Variants in LRTM3 observed in about 807,000 individuals in gnomAD.
LRTM3 encodes leucine-rich repeat transmembrane protein 3.
At chr13:102,739,464 C>A in the LRTM3 span, 1 of 1,550,534 alleles carries the variant, frequency 6.4e-7, no homozygotes, top group Non-Finnish European at 8.7e-7. Context: ...CCTGACTTAT[C>A]TTTACCTGCT....
the LRTM3 span, among the ~76,000 whole-genome samples, chr13:102,753,074 A>C: frequency 6.6e-6 from 1 of 152,122 alleles, no homozygotes; most frequent in Admixed American, 6.5e-5. Flanking sequence ...ATCAACCCAA[A>C]CGCCCATCAA....
At chr13:102,742,009 C>T in the LRTM3 span, 2 of 1,550,512 alleles carry the variant, frequency 1.3e-6, no homozygotes, top group African/African-American at 1.4e-5. Context: ...CTGACAATGA[C>T]CTTTGCATTT....
chr13:102,753,119 CA>C, the LRTM3 span, among the ~76,000 whole-genome samples: 1 of 152,180 alleles, frequency 6.6e-6, no homozygotes, highest in Non-Finnish European at 1.5e-5. Context: ...GGCACATATA[CA>C]CCATGGAATA....
the LRTM3 span, chr13:102,745,517 G>A: frequency 1.3e-6 from 2 of 1,550,986 alleles, no homozygotes; most frequent in Non-Finnish European, 1.7e-6. Flanking sequence ...TTTCGGACCA[G>A]CACCAGCCCT....
At chr13:102,748,751 C>G in the LRTM3 span, 2 of 1,549,830 alleles carry the variant, frequency 1.3e-6, no homozygotes, top group Non-Finnish European at 1.7e-6. Flanking sequence ...TTTACTCTTC[C>G]CATTTGTTTC....
the LRTM3 span, chr13:102,750,389 C>G: frequency 1.4e-6 from 2 of 1,447,250 alleles, no homozygotes; most frequent in South Asian, 2.7e-5. Flanking sequence ...GGTGCCAACT[C>G]TGAAATATAA....
At chr13:102,748,273 A>G in the LRTM3 span, 1 of 1,551,108 alleles carries the variant, frequency 6.4e-7, no homozygotes, top group Non-Finnish European at 8.7e-7. Flanking sequence ...TGTCTTCTGT[A>G]ACATTAAGTA....
chr13:102,745,087 C>T, the LRTM3 span: 1 of 1,550,856 alleles, frequency 6.4e-7, no homozygotes, highest in Non-Finnish European at 8.7e-7. Context: ...GCTCTGCAGG[C>T]TGAAGTTGCT....
At chr13:102,741,272 G>T in the LRTM3 span, 1 of 1,550,208 alleles carries the variant, frequency 6.5e-7, no homozygotes. Flanking sequence ...TTCAGAGATG[G>T]TAACATTTTC....
chr13:102,734,212 G>A, the LRTM3 span: 1 of 1,551,354 alleles, frequency 6.4e-7, no homozygotes, highest in Admixed American at 2.0e-5. Flanking sequence ...CTTCATGCCT[G>A]TTTTCTTTCT....
the LRTM3 span, chr13:102,729,466 G>T: frequency 1.4e-6 from 2 of 1,450,848 alleles, no homozygotes. Flanking sequence ...TATGAAAAAC[G>T]GTAGTAAGGG....
At chr13:102,753,723 C>T in the LRTM3 span, among the ~76,000 whole-genome samples, 1 of 152,110 alleles carries the variant, frequency 6.6e-6, no homozygotes, top group Non-Finnish European at 1.5e-5. Flanking sequence ...TTGTTATCTG[C>T]CCATTACTTT....
the LRTM3 span, chr13:102,743,305 T>G: frequency 6.5e-7 from 1 of 1,550,378 alleles, no homozygotes; most frequent in African/African-American, 1.4e-5. Flanking sequence ...TTCTCATGTC[T>G]ATCTCTGTTT....
At chr13:102,746,318 A>T in the LRTM3 span, 2 of 1,550,932 alleles carry the variant, frequency 1.3e-6, no homozygotes, top group Non-Finnish European at 1.7e-6. Flanking sequence ...TCCATCTTGC[A>T]ATTTTTCCTC....
chr13:102,732,354 C>A, the LRTM3 span: 1 of 1,551,236 alleles, frequency 6.4e-7, no homozygotes, highest in Non-Finnish European at 8.7e-7. Flanking sequence ...CTTGGTGTAC[C>A]ACGCCCCGTG....
the LRTM3 span, chr13:102,746,891 G>GT: frequency 4.6e-5 from 71 of 1,551,218 alleles, no homozygotes; most frequent in Non-Finnish European, 6.1e-5. Context: ...GTCTGTTTGT[G>GT]TTTTTTGAGT....
chr13:102,736,388 A>C, the LRTM3 span: 1 of 1,551,114 alleles, frequency 6.4e-7, no homozygotes, highest in Non-Finnish European at 8.7e-7. Context: ...ATTGGGGTGC[A>C]TCAGGCCATG....
At chr13:102,748,505 T>C in the LRTM3 span, 4 of 1,550,974 alleles carry the variant, frequency 2.6e-6, no homozygotes, top group African/African-American at 1.4e-5. Context: ...CTCCTCTCCA[T>C]TTGAAAGTTG....
At chr13:102,754,504 G>A in the LRTM3 span, among the ~76,000 whole-genome samples, 2 of 152,048 alleles carry the variant, frequency 1.3e-5, no homozygotes, top group African/African-American at 4.8e-5. Flanking sequence ...CCACCTCCAG[G>A]CTTCTGATTG....
Sources: gnomAD v4.1 joint callset for allele counts (sites outside exome capture counted in the v4.1 genomes callset) on GRCh38, gnomAD v4.1.1 for gene constraint, MANE v1.5 for transcripts, NCBI Gene and HGNC (gene_info 2026-07-23, HGNC 2026-07-21) for gene names.